The following CATSPERD variants were observed in gnomAD, a reference collection of about 807,000 sequenced individuals.
CATSPERD encodes the protein catsper channel auxiliary subunit delta.
A neutral mutation model predicts 98.1 loss-of-function variants in CATSPERD; 86 were observed. That is an observed-to-expected ratio of 0.88 (90% CI 0.74 to 1.05). The LOEUF (loss-of-function observed/expected upper bound fraction) is 1.05. Among genes scored for constraint, CATSPERD ranks in the 50% least tolerant of loss-of-function variants. CATSPERD has a pLI of 0.00. For missense variants in CATSPERD, 995 were observed against 1,005.7 expected, an observed-to-expected ratio of 0.99 and a Z score of 0.14; for synonymous variants, 394 against 390.2, an observed-to-expected ratio of 1.01 and a Z score of -0.12.
At position 5,751,723 on chromosome 19, in the gene CATSPERD, C is replaced by T. The variant is rs761925824; in HGVS notation, c.1064C>T (p.Pro355Leu). ...CCAGGGACTCTGGAAATACTGACCC[C>T]ACTGCGTGACACAGCCTTTCCAGCT... ...RSPGTLEILT[P>L]LRDTAFPAFD... The change falls in exon 12 of 22, where the codon CCA becomes CTA. Residue 355 changes from proline to leucine, a missense_variant. This residue lies in a region of CATSPERD where 762 missense variants were observed against 773.7 expected (regional missense o/e 0.98). Coordinates refer to ENST00000381624, the MANE Select transcript of CATSPERD (RefSeq NM_152784.4). The T allele has an allele frequency of 9.3e-6, 15 of 1,613,714 alleles. No individual in the cohort carries two copies. Among genetic ancestry groups the T allele is most frequent in the East Asian group, 2.2e-5 (1 of 44,878 alleles).
chr19:5,775,598 G>A (rs2436494), intron 20 of CATSPERD, among the ~76,000 whole-genome samples: 40,150 of 145,226 alleles, frequency 0.28, 7,021 homozygotes, highest in East Asian at 0.54. Context: ...GCAGTAAGCC[G>A]AGATCGCGCC....
chr19:5,733,929 A>T lies in CATSPERD; in HGVS notation c.350A>T (p.Tyr117Phe). ...LLLLVVDQKV[Y>F]IYDYENNSWS... ...CTGTTAGTAGTGGATCAAAAAGTCT[A>T]TATTTATGATTATGAAAATAATTCT... Residue 117 changes from tyrosine (Y) to phenylalanine (F), a missense_variant, in exon 5 of 22, where the codon TAT becomes TTT. Around this residue, in one of 3 missense-constraint regions of CATSPERD, gnomAD observed 228 missense variants for 209.6 expected, o/e 1.09. Coordinates refer to ENST00000381624, the MANE Select transcript of CATSPERD (RefSeq NM_152784.4). 6.2e-7 allele frequency: 1 copy of T among 1,609,520 alleles called. No homozygotes were observed. The highest frequency in any genetic ancestry group is 8.5e-7 in the Non-Finnish European group (1 of 1,177,990).
chr19:5,734,396 T>A (rs2055799941), intron 5 of CATSPERD, among the ~76,000 whole-genome samples: 1 of 152,124 alleles, frequency 6.6e-6, no homozygotes, highest in Admixed American at 6.6e-5. Context: ...CCCAGCACTT[T>A]GGGAGACTGA....
chr19:5,767,611 C>T (rs986833280), intron 17 of CATSPERD, among the ~76,000 whole-genome samples: 11 of 151,030 alleles, frequency 7.3e-5, no homozygotes, highest in South Asian at 4.2e-4. Flanking sequence ...CCTCAGCCTC[C>T]GAGTAGCTGG....
chr19:5,772,866 C>T lies in CATSPERD; in HGVS notation c.1842C>T (p.Ser614=), dbSNP rs765559203. ...LLEVNGQFSY[S]YSLTAQSAMC... ...AGGTGAACGGGCAGTTCTCATACTC[C>T]TATTCCCTGACGGCCCAGTCGGCCA... The change falls in exon 20 of 22, where the codon TCC becomes TCT. Residue 614 remains serine (S), a synonymous_variant. Coordinates refer to ENST00000381624, the MANE Select transcript of CATSPERD (RefSeq NM_152784.4). The T allele has an allele frequency of 1.2e-6, 2 of 1,614,100 alleles. No homozygotes were observed. Among genetic ancestry groups the T allele is most frequent in the South Asian group, 2.2e-5 (2 of 91,080 alleles).
intron 15 of CATSPERD, among the ~76,000 whole-genome samples, chr19:5,761,036 GTTTTTGT>G (rs1397325874): frequency 1.3e-5 from 1 of 79,682 alleles, no homozygotes; most frequent in Non-Finnish European, 3.1e-5. Flanking sequence ...TATTTGTTTT[GTTTTTGT>G]TTTTTTTTTT....
chr19:5,759,097 A>G lies in CATSPERD; in HGVS notation c.1380A>G (p.Leu460=). 6.2e-7 allele frequency: 1 copy of G among 1,613,830 alleles called. No homozygotes were observed. Residue 460 remains leucine, a synonymous_variant, in exon 15 of 22, where the codon CTA becomes CTG. Transcript: ENST00000381624. ...TCTTGACCCCACAGGATATTTTCCTAAAACAGCAGCAGCACTGGGGCAGGA... is the reference window on the plus strand; with the variant it reads ...TCTTGACCCCACAGGATATTTTCCTGAAACAGCAGCAGCACTGGGGCAGGA... The part of the protein sequence containing the change: ...GNTKYKLDIF[L]KQQQHWGRTD...
chr19:5,727,971 G>A (rs1471470909), intron 3 of CATSPERD, among the ~76,000 whole-genome samples: 2 of 150,264 alleles, frequency 1.3e-5, no homozygotes, highest in East Asian at 2.0e-4. Context: ...CAGGAGGATC[G>A]CTGGAGGATC....
intron 10 of CATSPERD, 21 bp downstream of exon 10, chr19:5,748,276 T>C (rs2145766867): frequency 6.2e-7 from 1 of 1,603,534 alleles, no homozygotes; most frequent in Non-Finnish European, 8.5e-7. Context: ...GACCCACTGC[T>C]AGCCAAGAAA....
In CATSPERD at chr19:5,778,382, T is replaced by C. The variant is rs781462261; in HGVS notation, c.2103T>C (p.Cys701=). Residue 701 remains cysteine, a synonymous_variant, in exon 22 of 22, where the codon TGT becomes TGC. Coordinates refer to ENST00000381624, the MANE Select transcript of CATSPERD (RefSeq NM_152784.4). ...CCGCCTCCCCCCACCGCAGCTACTG[T>C]CAACTGGAGACCATCTTTAGCATCT... The part of the protein sequence containing the change: ...ISIVDPYYSY[C]QLETIFSIYV... 4 of 1,606,022 alleles carry C rather than the reference T, an allele frequency of 2.5e-6. No homozygotes were observed. The highest frequency in any genetic ancestry group is 1.1e-5 in the South Asian group (1 of 90,540).
chr19:5,754,156 A>G lies in CATSPERD; in HGVS notation c.1189A>G (p.Ile397Val). 2 of 1,611,868 alleles carry G rather than the reference A, an allele frequency of 1.2e-6. No individual in the cohort carries two copies. The highest frequency in any genetic ancestry group is 1.7e-6 in the Non-Finnish European group (2 of 1,178,040). Reference protein sequence around the residue: ...CKIEFLTGEFIYRMYTIDMHS... With the variant: ...CKIEFLTGEFVYRMYTIDMHS... Reference sequence around the variant, plus strand: ...GATAGAGTTTCTGACAGGAGAATTTATATACAGGATGTATACCATTGACAT... The same window carrying G: ...GATAGAGTTTCTGACAGGAGAATTTGTATACAGGATGTATACCATTGACAT... The change falls in exon 13 of 22, where the codon ATA (isoleucine) becomes GTA (valine). Residue 397 changes from isoleucine to valine, a missense_variant. Around this residue, in one of 3 missense-constraint regions of CATSPERD, gnomAD observed 762 missense variants for 773.7 expected, o/e 0.98. Transcript: ENST00000381624.
intron 9 of CATSPERD, 120 bp from the exon 10 acceptor site, chr19:5,748,040 C>A (rs1214499104): frequency 1.4e-6 from 1 of 717,342 alleles, no homozygotes. Context: ...TAAGGAACAT[C>A]GAAAGAGCCA....
chr19:5,771,904 G>A (rs1201192283), intron 19 of CATSPERD, among the ~76,000 whole-genome samples: 1 of 151,990 alleles, frequency 6.6e-6, no homozygotes, highest in Non-Finnish European at 1.5e-5. Flanking sequence ...AGTCTTATCA[G>A]ATCAGGGCCC....
chr19:5,759,006 C>T, intron 14 of CATSPERD, 80 bp from the exon 15 acceptor site: 1 of 1,282,980 alleles, frequency 7.8e-7, no homozygotes, highest in South Asian at 1.2e-5. Context: ...TCCAACACCC[C>T]ATCTCTCCCA....
chr19:5,742,725 G>A (rs1479663452), intron 7 of CATSPERD, among the ~76,000 whole-genome samples: 4 of 152,138 alleles, frequency 2.6e-5, no homozygotes, highest in Admixed American at 6.6e-5. Context: ...GGAGACTGAC[G>A]CTACAGTGGG....
chr19:5,750,895 T>C (rs2056200063), intron 11 of CATSPERD, among the ~76,000 whole-genome samples: 2 of 151,758 alleles, frequency 1.3e-5, no homozygotes, highest in Non-Finnish European at 2.9e-5. Context: ...CTCTTTTCTT[T>C]TTCTTTCTTC....
At chr19:5,747,826 G>C (rs1234953580) in intron 9 of CATSPERD, among the ~76,000 whole-genome samples, 2 of 151,972 alleles carry the variant, frequency 1.3e-5, no homozygotes, top group Non-Finnish European at 2.9e-5. Flanking sequence ...TGGCCAGCCT[G>C]ATCTCGAACT....
Position 5,778,195 on chromosome 19 carries a change from G to A in CATSPERD, c.2097-181G>A, listed in dbSNP as rs1262689190. On this transcript the variant is annotated intron_variant, in intron 21 of 21. Coordinates refer to ENST00000381624, the MANE Select transcript of CATSPERD (RefSeq NM_152784.4). Reference sequence around the variant, plus strand: ...GCACTCCAGCCTGGGTGACAAGAGAGGGACTCCGACTCAAAAAAAAAAAAA... The same window carrying A: ...GCACTCCAGCCTGGGTGACAAGAGAAGGACTCCGACTCAAAAAAAAAAAAA... Among the ~76,000 whole-genome samples, 5 of 145,734 alleles carry A rather than the reference G, an allele frequency of 3.4e-5. No individual in the cohort carries two copies. The East Asian group carries it at 9.8e-4, about 29-fold the overall frequency.
intron 7 of CATSPERD, among the ~76,000 whole-genome samples, chr19:5,743,611 AAAG>A (rs1464907303): frequency 1.3e-5 from 2 of 151,014 alleles, no homozygotes; most frequent in African/African-American, 2.4e-5. Flanking sequence ...AAAAAGAAAA[AAAG>A]AAAAAAGATA....
Sources: gnomAD v4.1 joint callset for allele counts (sites outside exome capture counted in the v4.1 genomes callset) on GRCh38, gnomAD v4.1.1 for gene constraint, gnomAD v4.1.1 regional missense constraint, MANE v1.5 for transcripts, NCBI Gene and HGNC (gene_info 2026-07-23, HGNC 2026-07-21) for gene names.